ELF1: variants seen among roughly 807,000 people sequenced by gnomAD.
The protein encoded by ELF1 is E74 like ETS transcription factor 1.
Under a neutral mutation model 59.9 loss-of-function variants are expected in ELF1, and 24 were observed. That is an observed-to-expected ratio of 0.40 (90% CI 0.29 to 0.56). ELF1 has a LOEUF of 0.56. Ranked by LOEUF, ELF1 falls within the 20% of genes least tolerant of loss-of-function variation. The probability of loss-of-function intolerance (pLI) is 0.44; values close to 1 mark genes in which losing one functional copy is unlikely to be tolerated. For synonymous variants in ELF1, 248 were observed against 266.2 expected, an observed-to-expected ratio of 0.93 and a Z score of 0.67; for missense variants, 627 against 742.2, an observed-to-expected ratio of 0.84 and a Z score of 1.80.
At chr13:41,037,168 T>C (rs1195439425) in intron 1 of ELF1, among the ~76,000 whole-genome samples, 1 of 151,914 alleles carries the variant, frequency 6.6e-6, no homozygotes, top group South Asian at 2.1e-4. Flanking sequence ...TTTTAGGAAA[T>C]GTTTCTTGGG....
At chr13:41,046,855 T>C (rs1463919047) in intron 1 of ELF1, among the ~76,000 whole-genome samples, 1 of 152,246 alleles carries the variant, frequency 6.6e-6, no homozygotes, top group South Asian at 2.1e-4. Context: ...GGGGGAGTTC[T>C]CCTGGATTAT....
At chr13:40,978,955 G>A (rs1007380145) in intron 2 of ELF1, among the ~76,000 whole-genome samples, 4 of 152,038 alleles carry the variant, frequency 2.6e-5, no homozygotes, top group South Asian at 2.1e-4. Flanking sequence ...ACATAGGTGA[G>A]GCTGAGATTT....
chr13:41,046,342 T>G (rs925731601), intron 1 of ELF1, among the ~76,000 whole-genome samples: 2 of 152,202 alleles, frequency 1.3e-5, no homozygotes, highest in Non-Finnish European at 2.9e-5. Context: ...GTTAGTTGGT[T>G]ATTTTGCTTG....
chr13:40,944,123 C>T (rs1416919257), intron 5 of ELF1, among the ~76,000 whole-genome samples, 198 bp from the exon 6 acceptor site: 1 of 152,248 alleles, frequency 6.6e-6, no homozygotes, highest in South Asian at 2.1e-4. Context: ...GCAGGTTAAA[C>T]CATAAACACA....
At chr13:40,960,645 C>T (rs936026851) in intron 2 of ELF1, among the ~76,000 whole-genome samples, 1 of 151,980 alleles carries the variant, frequency 6.6e-6, no homozygotes, top group Non-Finnish European at 1.5e-5. Flanking sequence ...GCTCTGTTGC[C>T]CAGGCTGGAC....
chr13:41,014,784 C>T (rs956145534), intron 1 of ELF1, among the ~76,000 whole-genome samples: 4 of 152,132 alleles, frequency 2.6e-5, no homozygotes, highest in African/African-American at 9.7e-5. Flanking sequence ...ATTTTCTTCT[C>T]ATTTATCCAA....
At chr13:40,948,596 T>G (rs1870649548) in intron 5 of ELF1, among the ~76,000 whole-genome samples, 1 of 152,204 alleles carries the variant, frequency 6.6e-6, no homozygotes, top group South Asian at 2.1e-4. Flanking sequence ...TGGGTGGTGA[T>G]GCTATTAATC....
At chr13:41,020,990 TAA>T (rs1368853311), upstream of ELF1, among the ~76,000 whole-genome samples, 1 of 152,010 alleles carries the variant, frequency 6.6e-6, no homozygotes, top group East Asian at 1.9e-4. Flanking sequence ...CTTACAAAAC[TAA>T]AAATAAACAT....
upstream of ELF1, among the ~76,000 whole-genome samples, chr13:41,024,073 G>GT (rs1397376601): frequency 6.6e-6 from 1 of 152,040 alleles, no homozygotes; most frequent in Non-Finnish European, 1.5e-5. Context: ...AAGCTCCCAG[G>GT]TAATATGCTG....
chr13:41,049,815 T>C (rs1437528954), intron 1 of ELF1, among the ~76,000 whole-genome samples: 2 of 152,204 alleles, frequency 1.3e-5, no homozygotes, highest in Non-Finnish European at 2.9e-5. Context: ...AGCACACTTT[T>C]TACTTGTTCA....
At chr13:40,939,853 A>T (rs1014388703) in intron 8 of ELF1, among the ~76,000 whole-genome samples, 3 of 152,198 alleles carry the variant, frequency 2.0e-5, no homozygotes, top group African/African-American at 7.2e-5. Flanking sequence ...GATAAGGGCT[A>T]CTCAAGATAT....
intron 1 of ELF1, among the ~76,000 whole-genome samples, chr13:41,046,248 T>A (rs1466160695): frequency 1.3e-5 from 2 of 152,352 alleles, no homozygotes; most frequent in East Asian, 3.9e-4. Context: ...AATTTGCCAA[T>A]CTGTGTCTTT....
chr13:40,956,198 G>A (rs1338431619), intron 3 of ELF1, among the ~76,000 whole-genome samples: 144 of 151,438 alleles, frequency 9.5e-4, no homozygotes, highest in Non-Finnish European at 1.7e-3. Flanking sequence ...AGAGGTAGAC[G>A]TGGGAGACTT....
intron 2 of ELF1, among the ~76,000 whole-genome samples, chr13:40,972,570 G>C (rs1301776612): frequency 6.6e-6 from 1 of 152,162 alleles, no homozygotes; most frequent in African/African-American, 2.4e-5. Context: ...TGTAAGACAA[G>C]AGCTATTAAA....
At chr13:41,002,538 G>C (rs1330398827) in intron 1 of ELF1, among the ~76,000 whole-genome samples, 2 of 31,552 alleles carry the variant, frequency 6.3e-5, no homozygotes, top group East Asian at 1.7e-3. Flanking sequence ...CTACTTCGGA[G>C]GCTGAGGTTA....
At chr13:40,967,809 G>A (rs768505502) in intron 2 of ELF1, among the ~76,000 whole-genome samples, 6 of 151,274 alleles carry the variant, frequency 4.0e-5, no homozygotes, top group East Asian at 1.9e-4. Context: ...CAGGCTGGTC[G>A]CAAACTCCTA....
chr13:41,010,406 G>A (rs1874987356), intron 1 of ELF1, among the ~76,000 whole-genome samples: 1 of 151,688 alleles, frequency 6.6e-6, no homozygotes, highest in Non-Finnish European at 1.5e-5. Flanking sequence ...AGCTATGATT[G>A]TACCACTGTA....
At chr13:40,939,733 G>T (rs4942013) in intron 8 of ELF1, among the ~76,000 whole-genome samples, 148,378 of 152,326 alleles carry the variant, frequency 0.97, 72,299 homozygotes, top group Middle Eastern at 1. Context: ...CGGGAGCATT[G>T]TGGATCTCAG....
upstream of ELF1, among the ~76,000 whole-genome samples, chr13:41,019,932 T>C (rs1875623860): frequency 6.6e-6 from 1 of 152,184 alleles, no homozygotes; most frequent in Admixed American, 6.5e-5. Flanking sequence ...ACTCCAATGT[T>C]AGGAATTTAA....
Sources: gnomAD v4.1 joint callset for allele counts (sites outside exome capture counted in the v4.1 genomes callset) on GRCh38, gnomAD v4.1.1 for gene constraint, MANE v1.5 for transcripts, NCBI Gene and HGNC (gene_info 2026-07-23, HGNC 2026-07-21) for gene names.